The following GOLGA3 variants were observed in gnomAD, a reference collection of about 807,000 sequenced individuals.
GOLGA3 encodes the protein golgin A3, also known as golgin subfamily A member 3.
Under a neutral mutation model 169.4 loss-of-function variants are expected in GOLGA3, and 75 were observed. The observed-to-expected ratio is 0.44, with a 90% CI of 0.37 to 0.54. The LOEUF (loss-of-function observed/expected upper bound fraction) is 0.54, where lower values mean the gene tolerates loss of function less well. Ranked by LOEUF, GOLGA3 falls within the 20% of genes least tolerant of loss-of-function variation. GOLGA3 has a pLI of 0.00. For missense variants in GOLGA3, 1,899 were observed against 1,930.0 expected (o/e 0.98, Z 0.30); for synonymous variants, 824 against 822.4 (o/e 1.00, Z -0.03).
intron 18 of GOLGA3, 42 bp downstream of exon 18, chr12:132,780,756 G>A: frequency 2.4e-6 from 3 of 1,226,676 alleles, no homozygotes; most frequent in South Asian, 1.2e-5. Flanking sequence ...AGGCACTGGA[G>A]CGTCCTCTGG....
intron 7 of GOLGA3, among the ~76,000 whole-genome samples, chr12:132,803,430 G>A (rs892314097): frequency 7.9e-5 from 12 of 152,180 alleles, no homozygotes; most frequent in Non-Finnish European, 1.2e-4. Context: ...AAGGGTATCC[G>A]TGTGGCTAAT....
rs63011561 is a variant in GOLGA3 at position 132,771,847 on chromosome 12, TCTC to T, written c.*1255_*1257del. On this transcript the variant is annotated 3_prime_UTR_variant, in exon 24 of 24. Transcript: ENST00000450791. ...TCGCTGCAGGGAGCCCCTGGTCTGC[TCTC>T]CTCCTCCTCCTCCACCGGCCTCTCC... 24 of 152,542 alleles carry T rather than the reference TCTC, an allele frequency of 1.6e-4. No homozygotes were observed. Among genetic ancestry groups the T allele is most frequent in the African/African-American group, 4.6e-4 (19 of 41,516 alleles). 9.4% of individuals were successfully genotyped at this position (152,542 alleles called of 1,614,324 possible).
chr12:132,777,885 G>T lies in GOLGA3; in HGVS notation c.3583-80C>A. ...GACGTGCCGGGCGCAGGGGGTGAAT[G>T]CACTCCCGGCCCCGTGCATGTCCTG... On this transcript the variant is annotated intron_variant, in intron 18 of 23. Coordinates refer to ENST00000450791, the MANE Select transcript of GOLGA3 (RefSeq NM_001389683.1). This position sits in a 1 kb window ranked among gnomAD's most constrained non-coding sequence, Gnocchi z 4.7. The T allele has an allele frequency of 1.4e-6, 2 of 1,443,036 alleles. No homozygotes were observed. The highest frequency in any genetic ancestry group is 1.9e-6 in the Non-Finnish European group (2 of 1,056,370). 89.4% of individuals were successfully genotyped at this position (1,443,036 alleles called of 1,614,324 possible).
chr12:132,804,639 G>C lies in GOLGA3; in HGVS notation c.1597+77C>G. The C allele has an allele frequency of 8.1e-7, 1 of 1,227,368 alleles. No individual in the cohort carries two copies. The highest frequency in any genetic ancestry group is 1.2e-6 in the Non-Finnish European group (1 of 856,306). The allele number at this position is 1,227,368 out of a possible 1,614,324, so 76.0% of individuals were successfully genotyped here. A position where few individuals can be genotyped will look rare whatever the true frequency, so the allele number is the denominator to read the frequency against. On this transcript the variant is annotated intron_variant, in intron 7 of 23. Transcript: ENST00000450791. This position sits in a 1 kb window ranked among gnomAD's most constrained non-coding sequence, Gnocchi z 4.1. Reference sequence around the variant, plus strand: ...AGTCAGGGAAGGAGGAGGGCGTGGCGGGGGCCAGTCGAGGAAGGAGGAGGG... The same window carrying C: ...AGTCAGGGAAGGAGGAGGGCGTGGCCGGGGCCAGTCGAGGAAGGAGGAGGG...
chr12:132,788,281 G>C lies in GOLGA3; in HGVS notation c.2811+746C>G, dbSNP rs933432549. ...AATCTGCCTGCTGGGACCTTGGCTCGGTCCTCTCCGGCAACTTCAGAAACT... is the reference window on the plus strand; with the variant it reads ...AATCTGCCTGCTGGGACCTTGGCTCCGTCCTCTCCGGCAACTTCAGAAACT... On this transcript the variant is annotated intron_variant, in intron 13 of 23. Coordinates refer to ENST00000450791, the MANE Select transcript of GOLGA3 (RefSeq NM_001389683.1). 7.2e-5 allele frequency among the ~76,000 whole-genome samples: 11 copies of C among 152,284 alleles called. No homozygotes were observed. In the East Asian group the frequency reaches 1.9e-3, roughly 27 times the overall value.
intron 2 of GOLGA3, among the ~76,000 whole-genome samples, chr12:132,818,545 C>A (rs137854964): frequency 8.9e-4 from 135 of 152,344 alleles, no homozygotes; most frequent in Admixed American, 5.8e-3. Flanking sequence ...TGAGCCACCG[C>A]ACCCAGCCAA....
At chr12:132,791,619 A>T (rs1282119387) in intron 11 of GOLGA3, among the ~76,000 whole-genome samples, 1 of 136,594 alleles carries the variant, frequency 7.3e-6, no homozygotes, top group Admixed American at 7.5e-5. Flanking sequence ...ACTGAGGACT[A>T]TAGGAGGGGA....
At chr12:132,787,919 C>CG (rs1332072069) in intron 13 of GOLGA3, among the ~76,000 whole-genome samples, 1 of 131,160 alleles carries the variant, frequency 7.6e-6, no homozygotes, top group African/African-American at 2.9e-5. Flanking sequence ...CTTCCCTGGA[C>CG]CCCCCCCGGA....
intron 16 of GOLGA3, chr12:132,783,844 G>A: frequency 7.4e-7 from 1 of 1,354,468 alleles, no homozygotes; most frequent in East Asian, 2.7e-5. Flanking sequence ...CCAAAGTGCT[G>A]GGATTACAGG....
At position 132,808,422 on chromosome 12, in the gene GOLGA3, C is replaced by A; in HGVS notation, c.647G>T (p.Ser216Ile). The change falls in exon 5 of 24, where the codon AGT becomes ATT. Residue 216 changes from serine (S) to isoleucine (I), a missense_variant. Physicochemically the swap from Ser to Ile is moderately radical, Grantham distance 142. Coordinates refer to ENST00000450791, the MANE Select transcript of GOLGA3 (RefSeq NM_001389683.1). Reference sequence around the variant, plus strand: ...GCCCACCTTAGGCCCCCGAGGGACACTGGTGCGCAGGAAGGAATATTCTTT... The same window carrying A: ...GCCCACCTTAGGCCCCCGAGGGACAATGGTGCGCAGGAAGGAATATTCTTT... ...MTKEYSFLRT[S>I]VPRGPKVGSL... is the part of the protein sequence containing the mutation. 6.2e-7 allele frequency: 1 copy of A among 1,614,172 alleles called. No homozygotes were observed. The highest frequency in any genetic ancestry group is 1.1e-5 in the South Asian group (1 of 91,078).
intron 15 of GOLGA3, 132 bp downstream of exon 15, chr12:132,786,207 G>T: frequency 1.6e-6 from 1 of 623,714 alleles, no homozygotes; most frequent in South Asian, 2.0e-5. Context: ...AAGATGAGCG[G>T]GAGTTTAGAG....
chr12:132,826,159 C>A, intron 1 of GOLGA3: 1 of 1,595,306 alleles, frequency 6.3e-7, no homozygotes, highest in South Asian at 1.1e-5. Flanking sequence ...AGGCTGCCAG[C>A]ACCAAGAAGC....
intron 11 of GOLGA3, among the ~76,000 whole-genome samples, chr12:132,792,643 G>A (rs1331735260): frequency 3.9e-5 from 4 of 103,854 alleles, no homozygotes; most frequent in East Asian, 6.3e-4. Context: ...CACACAGACC[G>A]ACCGCACGGG....
At chr12:132,825,965 C>T (rs921177450) in intron 1 of GOLGA3, 17 of 979,878 alleles carry the variant, frequency 1.7e-5, no homozygotes, top group South Asian at 2.6e-5. Flanking sequence ...CACTGTCATC[C>T]GCCGAGACTA....
chr12:132,798,243 G>A (rs882377), intron 9 of GOLGA3, 97 bp downstream of exon 9: 305,505 of 1,163,578 alleles, frequency 0.26, 43,220 homozygotes, highest in Non-Finnish European at 0.29. Flanking sequence ...ATATTTAAGA[G>A]ATACACACAG....
chr12:132,796,473 G>C (rs1014161195), intron 10 of GOLGA3, 66 bp downstream of exon 10: 2 of 1,521,974 alleles, frequency 1.3e-6, no homozygotes, highest in African/African-American at 1.4e-5. Flanking sequence ...GTCTCCTTGT[G>C]TGCAGTCCTG....
intron 12 of GOLGA3, among the ~76,000 whole-genome samples, 170 bp downstream of exon 12, chr12:132,791,046 G>A (rs1272401958): frequency 4.4e-5 from 2 of 45,918 alleles, no homozygotes; most frequent in South Asian, 1.1e-3. Context: ...GAGAGACTCC[G>A]TCTCAAAAAA....
chr12:132,805,906 G>A (rs998498540), intron 6 of GOLGA3, among the ~76,000 whole-genome samples: 1 of 151,960 alleles, frequency 6.6e-6, no homozygotes, highest in Admixed American at 6.6e-5. Context: ...TTCAGATCTG[G>A]GGGGAAATGG....
At chr12:132,819,087 G>T (rs1008714785) in intron 2 of GOLGA3, among the ~76,000 whole-genome samples, 12 of 152,096 alleles carry the variant, frequency 7.9e-5, no homozygotes, top group Non-Finnish European at 1.6e-4. Context: ...GACATGTGAG[G>T]GGGGAGGGAG....
Sources: allele counts gnomAD v4.1 joint callset (sites outside exome capture counted in the v4.1 genomes callset), GRCh38; gene constraint gnomAD v4.1.1; non-coding constraint Gnocchi (gnomAD v3.1); transcripts MANE v1.5; gene names NCBI Gene and HGNC (gene_info 2026-07-23, HGNC 2026-07-21).